The following PIK3CA variants were observed in gnomAD, a reference collection of about 807,000 sequenced individuals.
The protein encoded by PIK3CA is phosphatidylinositol-4,5-bisphosphate 3-kinase catalytic subunit alpha.
Under a neutral mutation model 138.2 loss-of-function variants are expected in PIK3CA, and 27 were observed. The observed-to-expected ratio is 0.20, with a 90% CI of 0.14 to 0.27. The LOEUF (loss-of-function observed/expected upper bound fraction) is 0.27, where lower values mean the gene tolerates loss of function less well. Ranked by LOEUF, PIK3CA falls within the 10% of genes least tolerant of loss-of-function variation. The pLI is 1.00. For synonymous variants in PIK3CA, 358 were observed against 413.2 expected, an observed-to-expected ratio of 0.87 and a Z score of 1.62; for missense variants, 544 against 1,277.4, an observed-to-expected ratio of 0.43 and a Z score of 8.75.
chr3:179,236,649 T>A lies in PIK3CA; in HGVS notation c.*2285T>A, dbSNP rs1160807051. 3 of 226,922 alleles carry A rather than the reference T, an allele frequency of 1.3e-5. No individual in the cohort carries two copies. The highest frequency in any genetic ancestry group is 6.7e-5 in the African/African-American group (3 of 44,896). 14.1% of individuals were successfully genotyped at this position (226,922 alleles called of 1,614,324 possible). A position where few individuals can be genotyped will look rare whatever the true frequency, so the allele number is the denominator to read the frequency against. ...TCCAGATAGTTGTCTCCCCTCCTTC[T>A]CCCAGGACCTCTCCACCATTAAAAT... On this transcript the variant is annotated 3_prime_UTR_variant, in exon 21 of 21. Coordinates refer to ENST00000263967, the MANE Select transcript of PIK3CA (RefSeq NM_006218.4).
intron 1 of PIK3CA, among the ~76,000 whole-genome samples, chr3:179,180,361 A>G (rs1723810720): frequency 1.3e-5 from 2 of 152,038 alleles, no homozygotes; most frequent in Non-Finnish European, 2.9e-5. Context: ...GGTCTTTTCA[A>G]CCTCATTTAT....
rs200568210 is a variant in PIK3CA, at chr3:179,204,568, A to G, written c.1125A>G (p.Arg375=). 108 of 1,557,418 alleles carry G rather than the reference A, an allele frequency of 6.9e-5. No individual in the cohort carries two copies. The South Asian group carries it at 1.1e-3, about 16-fold the overall frequency. ...TATGTGACAATGTGAACACTCAAAG[A>G]GTACCTTGTTCCAATCCCAGGTAAG... is the stretch of plus-strand genomic sequence containing the variant. ...EPLCDNVNTQ[R]VPCSNPRWNE... Residue 375 remains arginine (R), a synonymous_variant, in exon 6 of 21, where the codon AGA becomes AGG. Coordinates refer to ENST00000263967, the MANE Select transcript of PIK3CA (RefSeq NM_006218.4).
rs1724935236 is a variant in PIK3CA, at chr3:179,220,260, C to A, written c.2015+208C>A. 6.6e-6 allele frequency among the ~76,000 whole-genome samples: 1 copy of A among 152,072 alleles called. No individual in the cohort carries two copies. The highest frequency in any genetic ancestry group is 1.5e-5 in the Non-Finnish European group (1 of 67,988). On this transcript the variant is annotated intron_variant, in intron 13 of 20. Transcript: ENST00000263967. This position sits in a 1 kb window ranked among gnomAD's most constrained non-coding sequence, Gnocchi z 4.1. ...AGTAAATTCAAAACTAAATTTTAGT[C>A]ATGAATGAGAGCTTAAATATTTTTA...
chr3:179,229,682 ATTC>A (rs1460953024), intron 18 of PIK3CA, among the ~76,000 whole-genome samples: 2 of 152,196 alleles, frequency 1.3e-5, no homozygotes, highest in East Asian at 1.9e-4. Flanking sequence ...GTTATTGCTT[ATTC>A]TTTTTAAAAC....
chr3:179,151,778 A>G (rs1279827718), intron 1 of PIK3CA, among the ~76,000 whole-genome samples: 1 of 152,124 alleles, frequency 6.6e-6, no homozygotes, highest in Non-Finnish European at 1.5e-5. Context: ...TGAACACTCC[A>G]TTCTTCTTTA....
chr3:179,170,076 GCACACA>G lies in PIK3CA; in HGVS notation c.-77+21491_-77+21496del, dbSNP rs60084117. Among the ~76,000 whole-genome samples, 1,009 of 139,294 alleles carry G rather than the reference GCACACA, an allele frequency of 7.2e-3. 58 individuals carry two copies. In the South Asian group the frequency reaches 0.14, roughly 19 times the overall value. 91.4% of individuals were successfully genotyped at this position (139,294 alleles called of 152,430 possible). On this transcript the variant is annotated intron_variant, in intron 1 of 20. Coordinates refer to ENST00000263967, the MANE Select transcript of PIK3CA (RefSeq NM_006218.4). ...CACATGCGCGTGCACACGCGCGCGC[GCACACA>G]CACACACACACACACACGACCTTAG...
Position 179,157,607 on chromosome 3 carries a change from CAT to C in PIK3CA, c.-77+9009_-77+9010del, listed in dbSNP as rs1411099018. ...TTGTTTGTTTGGTATAAATATCAGA[CAT>C]ATATGTTTGTTTACTCTAAAACTAA... is the stretch of plus-strand genomic sequence containing the variant. On this transcript the variant is annotated intron_variant, in intron 1 of 20. Coordinates refer to ENST00000263967, the MANE Select transcript of PIK3CA (RefSeq NM_006218.4). 2.6e-5 allele frequency among the ~76,000 whole-genome samples: 4 copies of C among 152,070 alleles called. No homozygotes were observed. The South Asian group carries it at 6.2e-4, about 24-fold the overall frequency.
In PIK3CA at chr3:179,221,000, A is replaced by G; in HGVS notation, c.2030A>G (p.Asn677Ser). Residue 677 changes from asparagine (N) to serine (S), a missense_variant, in exon 14 of 21, where the codon AAT becomes AGT. Around this residue, in one of 14 missense-constraint regions of PIK3CA, gnomAD observed 22 missense variants for 107.9 expected, o/e 0.20. Transcript: ENST00000263967. The surrounding 1 kb of genome is among the most constrained non-coding windows in gnomAD (Gnocchi z 4.1). ...FFWHLKSEMH[N>S]KTVSQRFGLL... ...GATTCTTTTAGATCTGAGATGCACA[A>G]TAAAACAGTTAGCCAGAGGTTTGGC... 4 of 1,612,512 alleles carry G rather than the reference A, an allele frequency of 2.5e-6. No homozygotes were observed. The highest frequency in any genetic ancestry group is 2.2e-5 in the East Asian group (1 of 44,838).
At chr3:179,205,556 A>G (rs1288899444) in intron 6 of PIK3CA, among the ~76,000 whole-genome samples, 2 of 151,908 alleles carry the variant, frequency 1.3e-5, no homozygotes, top group Admixed American at 6.6e-5. Context: ...CCTTCAAATC[A>G]CTCCCAAGAA....
At chr3:179,160,332 A>G (rs1048514648) in intron 1 of PIK3CA, among the ~76,000 whole-genome samples, 2 of 139,736 alleles carry the variant, frequency 1.4e-5, no homozygotes, top group Non-Finnish European at 3.0e-5. Flanking sequence ...CAAAGTAGAC[A>G]CTTAAAGATA....
At chr3:179,215,257 CTT>C (rs1199091454) in intron 9 of PIK3CA, among the ~76,000 whole-genome samples, 1 of 152,140 alleles carries the variant, frequency 6.6e-6, no homozygotes, top group Non-Finnish European at 1.5e-5. Flanking sequence ...ATACGAGTCT[CTT>C]TTTTGAGCAG....
intron 2 of PIK3CA, 152 bp downstream of exon 2, chr3:179,199,329 A>G: frequency 1.8e-6 from 1 of 543,358 alleles, no homozygotes; most frequent in Non-Finnish European, 3.1e-6. Flanking sequence ...TTACTATCGA[A>G]CTATGGAACT....
chr3:179,221,190 T>G lies in PIK3CA; in HGVS notation c.2187+33T>G, dbSNP rs1401491792. 3.3e-6 allele frequency: 5 copies of G among 1,524,904 alleles called. No individual in the cohort carries two copies. In the Admixed American group the frequency reaches 5.0e-5, roughly 15 times the overall value. The allele number at this position is 1,524,904 out of a possible 1,614,324, so 94.5% of individuals were successfully genotyped here. ...ACTCTAGTTTGTGTTTGAGACTCTT[T>G]TCACTGCAGTGGGGCAGAGTTGTTT... On this transcript the variant is annotated intron_variant, in intron 14 of 20. Coordinates refer to ENST00000263967, the MANE Select transcript of PIK3CA (RefSeq NM_006218.4).
Position 179,199,048 on chromosome 3 carries a change from CAAG to C in PIK3CA, c.227_229del (p.Glu76del). ...TTCTTACATTTTCGTAAGTGTTACT[CAAG>C]AAGCAGAAAGGGAAGAATTTTTTGA... On this transcript the variant is annotated inframe_deletion, in exon 2 of 21. Transcript: ENST00000263967. 1 of 1,613,654 alleles carries C rather than the reference CAAG, an allele frequency of 6.2e-7. No homozygotes were observed. Among genetic ancestry groups the C allele is most frequent in the Non-Finnish European group, 8.5e-7 (1 of 1,179,744 alleles).
intron 6 of PIK3CA, among the ~76,000 whole-genome samples, chr3:179,205,840 T>G (rs2108395870): frequency 6.6e-6 from 1 of 152,306 alleles, no homozygotes; most frequent in African/African-American, 2.4e-5. Context: ...TAGAGCTAAC[T>G]AGTGACTCCT....
chr3:179,197,961 CAG>C lies in PIK3CA; in HGVS notation c.-76-782_-76-781del, dbSNP rs1260643719. On this transcript the variant is annotated intron_variant, in intron 1 of 20. Transcript: ENST00000263967. ...CAAACTGATTGGAACATTGCACTAA[CAG>C]AGAGAGTCATGGATCTTATTTATGT... is the stretch of plus-strand genomic sequence containing the variant. 2.7e-4 allele frequency among the ~76,000 whole-genome samples: 41 copies of C among 152,214 alleles called. No homozygotes were observed. In the East Asian group the frequency reaches 7.3e-3, roughly 27 times the overall value.
At chr3:179,202,939 GT>G (rs372017091) in intron 4 of PIK3CA, among the ~76,000 whole-genome samples, 16,501 of 118,710 alleles carry the variant, frequency 0.14, 724 homozygotes, top group African/African-American at 0.24. Context: ...TGTGATCCTT[GT>G]TTTTTTTTTT....
chr3:179,231,568 T>C (rs1725211795), intron 20 of PIK3CA, among the ~76,000 whole-genome samples: 1 of 151,784 alleles, frequency 6.6e-6, no homozygotes, highest in Non-Finnish European at 1.5e-5. Context: ...GAGCATTTTT[T>C]CATGTTTGTT....
chr3:179,180,414 T>G (rs1277514322), intron 1 of PIK3CA, among the ~76,000 whole-genome samples: 1 of 152,176 alleles, frequency 6.6e-6, no homozygotes, highest in Admixed American at 6.5e-5. Context: ...TCTCCTCCTT[T>G]CCTTTCCATC....
Sources: gnomAD v4.1 joint callset for allele counts (sites outside exome capture counted in the v4.1 genomes callset) on GRCh38, gnomAD v4.1.1 for gene constraint, gnomAD v4.1.1 regional missense constraint, Gnocchi (gnomAD v3.1) non-coding constraint, MANE v1.5 for transcripts, NCBI Gene and HGNC (gene_info 2026-07-23, HGNC 2026-07-21) for gene names.